Variants in MPP7 observed in about 807,000 individuals in gnomAD.
The protein encoded by MPP7 is MAGUK p55 scaffold protein 7.
MPP7 carries 60 observed loss-of-function variants against 76.5 expected under a neutral mutation model. The ratio of observed to expected loss-of-function variants is 0.78; its 90% confidence interval spans 0.64 to 0.97. MPP7 has a LOEUF of 0.97. MPP7 is among the 50% of genes least tolerant of loss of function. The pLI is 0.00. For missense variants in MPP7, 641 were observed against 694.0 expected, an observed-to-expected ratio of 0.92 and a Z score of 0.86; for synonymous variants, 237 against 244.5, an observed-to-expected ratio of 0.97 and a Z score of 0.29.
intron 11 of MPP7, among the ~76,000 whole-genome samples, chr10:28,092,563 C>T (rs1177116206): frequency 7.1e-6 from 1 of 139,982 alleles, no homozygotes; most frequent in African/African-American, 2.7e-5. Context: ...CTTCATAGAA[C>T]CCAGAAAAGG....
intron 2 of MPP7, among the ~76,000 whole-genome samples, chr10:28,226,729 TAAAAATG>T (rs1320277026): frequency 6.6e-6 from 1 of 152,134 alleles, no homozygotes; most frequent in Non-Finnish European, 1.5e-5. Context: ...AAGAAAATCT[TAAAAATG>T]AAAAATAAAC....
intron 12 of MPP7, among the ~76,000 whole-genome samples, chr10:28,082,197 G>A (rs1327967147): frequency 6.6e-6 from 1 of 151,990 alleles, no homozygotes; most frequent in African/African-American, 2.4e-5. Context: ...GTTAATTCAG[G>A]AATAACCCAG....
intron 2 of MPP7, among the ~76,000 whole-genome samples, chr10:28,223,454 T>G (rs760760422): frequency 6.6e-6 from 1 of 152,222 alleles, no homozygotes; most frequent in African/African-American, 2.4e-5. Flanking sequence ...ATTTGCAGCA[T>G]GATTATAATT....
At chr10:28,055,558 A>G (rs1433662565) in intron 16 of MPP7, among the ~76,000 whole-genome samples, 3 of 152,234 alleles carry the variant, frequency 2.0e-5, no homozygotes, top group Non-Finnish European at 4.4e-5. Context: ...AGAACCCATA[A>G]TAGTCATGAA....
chr10:28,057,890 G>T (rs1177567182), intron 15 of MPP7: 3 of 1,200,822 alleles, frequency 2.5e-6, no homozygotes, highest in Non-Finnish European at 2.1e-6. Flanking sequence ...GGATCTGCTG[G>T]AAGATGTATG....
chr10:28,218,675 C>CA (rs1171861173), intron 2 of MPP7, among the ~76,000 whole-genome samples: 2 of 151,288 alleles, frequency 1.3e-5, no homozygotes, highest in Non-Finnish European at 2.9e-5. Flanking sequence ...CACAAGGAAC[C>CA]AAAAAAAGAA....
intron 1 of MPP7, among the ~76,000 whole-genome samples, chr10:28,274,350 C>T (rs1391163324): frequency 1.3e-5 from 2 of 151,714 alleles, no homozygotes; most frequent in African/African-American, 4.8e-5. Flanking sequence ...CCGCCCACCT[C>T]GGCCTCCCAA....
At chr10:28,238,178 AAAAG>A (rs905740563) in intron 2 of MPP7, among the ~76,000 whole-genome samples, 8 of 152,292 alleles carry the variant, frequency 5.3e-5, no homozygotes, top group African/African-American at 1.7e-4. Context: ...AAAGAAAAAA[AAAAG>A]AGAAAAATAT....
At chr10:28,136,231 T>C (rs1431038289) in intron 5 of MPP7, among the ~76,000 whole-genome samples, 1 of 151,824 alleles carries the variant, frequency 6.6e-6, no homozygotes, top group African/African-American at 2.4e-5. Flanking sequence ...ATAATAGAAA[T>C]AAAGTACACA....
At chr10:28,297,460 A>T (rs1841060867) in intron 1 of MPP7, among the ~76,000 whole-genome samples, 1 of 152,162 alleles carries the variant, frequency 6.6e-6, no homozygotes, top group Non-Finnish European at 1.5e-5. Context: ...ACACTTTGGG[A>T]GGCTGAGGTG....
intron 1 of MPP7, among the ~76,000 whole-genome samples, chr10:28,286,064 G>T (rs186015927): frequency 3.6e-4 from 54 of 152,088 alleles, no homozygotes; most frequent in African/African-American, 1.2e-3. Flanking sequence ...ATTTTCTTTC[G>T]CCCGGGATGG....
chr10:28,247,009 T>G (rs1839458817), intron 1 of MPP7, among the ~76,000 whole-genome samples: 1 of 152,136 alleles, frequency 6.6e-6, no homozygotes, highest in South Asian at 2.1e-4. Flanking sequence ...GTTGTTGGAG[T>G]TATTTGCTAC....
At chr10:28,315,263 G>GGGAA (rs1156648156) in intron 2 of MPP7, among the ~76,000 whole-genome samples, 1 of 144,682 alleles carries the variant, frequency 6.9e-6, no homozygotes, top group Non-Finnish European at 1.5e-5. Flanking sequence ...AAGGGAGGGA[G>GGGAA]GGAAAAGAAA....
At chr10:28,105,500 G>A (rs1588774934) in intron 11 of MPP7, among the ~76,000 whole-genome samples, 1 of 152,196 alleles carries the variant, frequency 6.6e-6, no homozygotes, top group East Asian at 1.9e-4. Context: ...CAGTTATAAT[G>A]CAGCTCAGCT....
At chr10:28,268,350 T>C (rs939538415) in intron 1 of MPP7, among the ~76,000 whole-genome samples, 5 of 152,218 alleles carry the variant, frequency 3.3e-5, no homozygotes, top group Non-Finnish European at 7.3e-5. Context: ...GAAGGAACTG[T>C]AGGCAAAGGT....
intron 3 of MPP7, among the ~76,000 whole-genome samples, chr10:28,184,367 G>T (rs1012792173): frequency 1.4e-5 from 2 of 147,238 alleles, no homozygotes; most frequent in African/African-American, 4.9e-5. Context: ...ATATTATTAT[G>T]ATATATATCA....
intron 2 of MPP7, among the ~76,000 whole-genome samples, chr10:28,311,059 AG>A (rs1384819013): frequency 6.6e-6 from 1 of 152,256 alleles, no homozygotes; most frequent in East Asian, 1.9e-4. Context: ...TTGGAGACAT[AG>A]CAAGAATCTA....
intron 11 of MPP7, among the ~76,000 whole-genome samples, chr10:28,111,857 T>C (rs1834515372): frequency 6.6e-6 from 1 of 152,112 alleles, no homozygotes; most frequent in Non-Finnish European, 1.5e-5. Flanking sequence ...CAGAGGCAAA[T>C]CTAACTATGA....
At chr10:28,235,183 G>A (rs1452867699) in intron 2 of MPP7, among the ~76,000 whole-genome samples, 4 of 151,724 alleles carry the variant, frequency 2.6e-5, no homozygotes, top group Admixed American at 1.3e-4. Flanking sequence ...ATGGTATTAC[G>A]AATGAGATCC....
Sources: gnomAD v4.1 joint callset for allele counts (sites outside exome capture counted in the v4.1 genomes callset) on GRCh38, gnomAD v4.1.1 for gene constraint, MANE v1.5 for transcripts, NCBI Gene and HGNC (gene_info 2026-07-23, HGNC 2026-07-21) for gene names.